HMGN1: variants seen among roughly 807,000 people sequenced by gnomAD.
The protein encoded by HMGN1 is high mobility group nucleosome binding domain 1, also known as non-histone chromosomal protein HMG-14.
HMGN1 carries 9 observed loss-of-function variants against 18.4 expected under a neutral mutation model. That is an observed-to-expected ratio of 0.49 (90% CI 0.29 to 0.85). The LOEUF (loss-of-function observed/expected upper bound fraction) is 0.85, where lower values mean the gene tolerates loss of function less well. Ranked by LOEUF, HMGN1 falls within the 40% of genes least tolerant of loss-of-function variation. HMGN1 has a pLI of 0.07. For synonymous variants in HMGN1, 59 were observed against 45.0 expected (o/e 1.31, Z -1.24); for missense variants, 151 against 119.2 (o/e 1.27, Z -1.24).
At position 39,345,219 on chromosome 21, in the gene HMGN1, T is replaced by A; in HGVS notation, c.182A>T (p.Lys61Ile). 1 of 1,613,942 alleles carries A rather than the reference T, an allele frequency of 6.2e-7. No homozygotes were observed. Among genetic ancestry groups the A allele is most frequent in the South Asian group, 1.1e-5 (1 of 91,076 alleles). Reference protein sequence around the residue: ...QTKGKRGAKGKQAEVANQETK... With the variant: ...QTKGKRGAKGIQAEVANQETK... Reference sequence around the variant, plus strand: ...TTCTTGGTTAGCCACTTCGGCCTGTTTTCCCTTTGCTCCCCTTTTCCCTTT... The same window carrying A: ...TTCTTGGTTAGCCACTTCGGCCTGTATTCCCTTTGCTCCCCTTTTCCCTTT... Residue 61 changes from lysine (K) to isoleucine (I), a missense_variant, in exon 5 of 6, where the codon AAA becomes ATA. By Grantham distance (102) the Lys-to-Ile change is moderately radical. Coordinates refer to ENST00000380749, the MANE Select transcript of HMGN1 (RefSeq NM_004965.7).
chr21:39,347,576 C>T (rs2037100584), intron 4 of HMGN1: 1 of 476,714 alleles, frequency 2.1e-6, no homozygotes, highest in African/African-American at 2.0e-5. Flanking sequence ...AATTAATCAC[C>T]CCGCGAAGAA....
Position 39,348,853 on chromosome 21 carries a change from G to T in HMGN1, c.15+50C>A, listed in dbSNP as rs973974103. On this transcript the variant is annotated intron_variant, in intron 1 of 5. Transcript: ENST00000380749. ...CCTGGGCCTCGCGGGGCCCGGCGGG[G>T]CGCCGGCGGCGGCTCCAGGGGGCGT... is the stretch of plus-strand genomic sequence containing the variant. The T allele has an allele frequency of 2.8e-6, 3 of 1,064,158 alleles. No homozygotes were observed. The African/African-American group carries it at 5.1e-5, about 18-fold the overall frequency. The allele number at this position is 1,064,158 out of a possible 1,614,324, so 65.9% of individuals were successfully genotyped here.
chr21:39,348,595 C>T lies in HMGN1; in HGVS notation c.16-18G>A. 6.3e-7 allele frequency: 1 copy of T among 1,586,812 alleles called. No homozygotes were observed. Among genetic ancestry groups the T allele is most frequent in the Non-Finnish European group, 8.6e-7 (1 of 1,168,248 alleles). ...GAGCTGACCTGCGGAGACGGAGACGCACGAATAGAGGCGGGCCGCAGTCCC... is the reference window on the plus strand; with the variant it reads ...GAGCTGACCTGCGGAGACGGAGACGTACGAATAGAGGCGGGCCGCAGTCCC... On this transcript the variant is annotated intron_variant, in intron 1 of 5. Transcript: ENST00000380749.
At position 39,347,909 on chromosome 21, in the gene HMGN1, A is replaced by C. The variant is rs1022352326; in HGVS notation, c.126+383T>G. ...TTGGCTTGGAAACTGTATATATAAA[A>C]ACTTACACGTTCCCTTTCTCCTGGC... On this transcript the variant is annotated intron_variant, in intron 4 of 5. Coordinates refer to ENST00000380749, the MANE Select transcript of HMGN1 (RefSeq NM_004965.7). 2.9e-6 allele frequency: 3 copies of C among 1,046,708 alleles called. No homozygotes were observed. In the African/African-American group the frequency reaches 5.2e-5, roughly 18 times the overall value. 64.8% of individuals were successfully genotyped at this position (1,046,708 alleles called of 1,614,324 possible).
Position 39,345,230 on chromosome 21 carries a change from TCC to T in HMGN1, c.169_170del (p.Gly57SerfsTer10). Reference sequence around the variant, plus strand: ...CCACTTCGGCCTGTTTTCCCTTTGCTCCCCTTTTCCCTTTTGTTTGCACTTTT... The same window carrying T: ...CCACTTCGGCCTGTTTTCCCTTTGCTCCTTTTCCCTTTTGTTTGCACTTTT... ...DKKVQTKGKR[G>X]AKGKQAEVAN... On this transcript the variant is annotated frameshift_variant, in exon 5 of 6. Coordinates refer to ENST00000380749, the MANE Select transcript of HMGN1 (RefSeq NM_004965.7). LOFTEE classifies it high-confidence loss of function. 2.5e-6 allele frequency: 4 copies of T among 1,613,836 alleles called. No individual in the cohort carries two copies. Among genetic ancestry groups the T allele is most frequent in the Non-Finnish European group, 3.4e-6 (4 of 1,179,938 alleles).
At position 39,346,370 on chromosome 21, in the gene HMGN1, T is replaced by C. The variant is rs1340185339; in HGVS notation, c.127-1096A>G. 5 of 167,714 alleles carry C rather than the reference T, an allele frequency of 3.0e-5. No homozygotes were observed. The South Asian group carries it at 4.1e-4, about 14-fold the overall frequency. 10.4% of individuals were successfully genotyped at this position (167,714 alleles called of 1,614,324 possible). On this transcript the variant is annotated intron_variant, in intron 4 of 5. Coordinates refer to ENST00000380749, the MANE Select transcript of HMGN1 (RefSeq NM_004965.7). ...TGAGACAAAACTGCTACTACACACA[T>C]TGCTATCACAAAGTTTCACAATCAC...
chr21:39,348,463 A>G lies in HMGN1; in HGVS notation c.49-12T>C, dbSNP rs199562824. 6.2e-7 allele frequency: 1 copy of G among 1,614,108 alleles called. No homozygotes were observed. Among genetic ancestry groups the G allele is most frequent in the Admixed American group, 1.7e-5 (1 of 60,020 alleles). ...GATCTCCTCTTGGGCTTGGAGAAAGAAAAAGGAGAGTCAGCGAGAAGAGAA... is the reference window on the plus strand; with the variant it reads ...GATCTCCTCTTGGGCTTGGAGAAAGGAAAAGGAGAGTCAGCGAGAAGAGAA... On this transcript the variant is annotated splice_polypyrimidine_tract_variant and intron_variant, in intron 2 of 5. Coordinates refer to ENST00000380749, the MANE Select transcript of HMGN1 (RefSeq NM_004965.7).
At chr21:39,348,655 G>A (rs955995064) in intron 1 of HMGN1, 78 bp from the exon 2 acceptor site, 3 of 1,466,366 alleles carry the variant, frequency 2.0e-6, no homozygotes, top group East Asian at 2.5e-5. Context: ...CGAGAACAAT[G>A]CCCGGCCGCG....
chr21:39,348,384 C>A, intron 3 of HMGN1, 38 bp downstream of exon 3: 1 of 1,614,158 alleles, frequency 6.2e-7, no homozygotes, highest in Non-Finnish European at 8.5e-7. Context: ...CGGGACGACC[C>A]GCGGAAAACG....
chr21:39,346,069 GAGA>G (rs1429730567), intron 4 of HMGN1: 2 of 571,750 alleles, frequency 3.5e-6, no homozygotes, highest in African/African-American at 3.9e-5. Context: ...CATCAATACT[GAGA>G]AGAAAGCTTA....
At chr21:39,345,096 A>G in intron 5 of HMGN1, 50 bp downstream of exon 5, 4 of 1,012,700 alleles carry the variant, frequency 3.9e-6, no homozygotes, top group Non-Finnish European at 5.5e-6. Context: ...TCTACTGTTC[A>G]GAGTCAAAGC....
At chr21:39,345,409 C>A in intron 4 of HMGN1, 135 bp from the exon 5 acceptor site, 1 of 762,264 alleles carries the variant, frequency 1.3e-6, no homozygotes. Context: ...GAGAGAGGGA[C>A]ATCTCACACA....
intron 4 of HMGN1, chr21:39,345,800 G>T: frequency 7.7e-7 from 1 of 1,294,252 alleles, no homozygotes; most frequent in Non-Finnish European, 1.0e-6. Context: ...GTCCTCACAA[G>T]ACCTTAACCC....
chr21:39,347,680 A>C (rs1397570450), intron 4 of HMGN1: 2 of 316,304 alleles, frequency 6.3e-6, no homozygotes, highest in Non-Finnish European at 1.3e-5. Flanking sequence ...CAAGTTATCA[A>C]ACACACGTAC....
At position 39,345,348 on chromosome 21, in the gene HMGN1, T is replaced by G. The variant is rs927567349; in HGVS notation, c.127-74A>C. On this transcript the variant is annotated intron_variant, in intron 4 of 5. Coordinates refer to ENST00000380749, the MANE Select transcript of HMGN1 (RefSeq NM_004965.7). ...TACATTTTGTTTTACTTTTTCCCCT[T>G]CATGTCAGACAAGTAATGTGCCCAG... 2.0e-6 allele frequency: 3 copies of G among 1,466,428 alleles called. No homozygotes were observed. In the African/African-American group the frequency reaches 4.2e-5, roughly 20 times the overall value. 90.8% of individuals were successfully genotyped at this position (1,466,428 alleles called of 1,614,324 possible). A position where few individuals can be genotyped will look rare whatever the true frequency, so the allele number is the denominator to read the frequency against.
At chr21:39,348,757 G>T in intron 1 of HMGN1, 146 bp downstream of exon 1, 1 of 1,078,980 alleles carries the variant, frequency 9.3e-7, no homozygotes, top group African/African-American at 1.7e-5. Context: ...CGCGGCCGCC[G>T]AGCGCTCGCC....
chr21:39,346,234 ACGGGCGG>A, intron 4 of HMGN1: 1 of 339,274 alleles, frequency 2.9e-6, no homozygotes, highest in Non-Finnish European at 5.7e-6. Flanking sequence ...CAATGCTAAC[ACGGGCGG>A]AAAAATCACT....
intron 1 of HMGN1, 55 bp from the exon 2 acceptor site, chr21:39,348,632 GC>G: frequency 6.8e-7 from 1 of 1,470,292 alleles, no homozygotes; most frequent in Non-Finnish European, 9.0e-7. Context: ...GGACTCGCGG[GC>G]CCGCCCGGCC....
chr21:39,347,286 G>A (rs1238935743), intron 4 of HMGN1: 2 of 921,464 alleles, frequency 2.2e-6, no homozygotes, highest in Non-Finnish European at 2.8e-6. Flanking sequence ...CACAAAAACA[G>A]AACTTTCTGT....
Sources: allele counts gnomAD v4.1 joint callset, GRCh38; gene constraint gnomAD v4.1.1; transcripts MANE v1.5; gene names NCBI Gene and HGNC (gene_info 2026-07-23, HGNC 2026-07-21).